The following COL27A1 variants were observed in gnomAD, a reference collection of about 807,000 sequenced individuals.
COL27A1 encodes collagen alpha-1(XXVII) chain.
A neutral mutation model predicts 251.3 loss-of-function variants in COL27A1; 106 were observed. That is an observed-to-expected ratio of 0.42 (90% CI 0.36 to 0.50). The LOEUF (loss-of-function observed/expected upper bound fraction) is 0.50. Among genes scored for constraint, COL27A1 ranks in the 20% least tolerant of loss-of-function variants. The pLI, the probability that COL27A1 is intolerant of heterozygous loss-of-function variation, is 0.00. For synonymous variants in COL27A1, 1,000 were observed against 986.3 expected, an observed-to-expected ratio of 1.01 and a Z score of -0.26; for missense variants, 2,325 against 2,522.8, an observed-to-expected ratio of 0.92 and a Z score of 1.68.
At chr9:114,310,000 C>T (rs1040266885) in intron 60 of COL27A1, among the ~76,000 whole-genome samples, 1 of 152,134 alleles carries the variant, frequency 6.6e-6, no homozygotes. Flanking sequence ...TTGGTAGAGG[C>T]TTTCTGGATA....
rs149607928 is a variant in COL27A1, at chr9:114,209,975, G to A, written c.2322+247G>A. On this transcript the variant is annotated intron_variant, in intron 11 of 60. Transcript: ENST00000356083. ...ACACTCAACACTGCCAAAGTGCTGC[G>A]TGAGAGGGTGAGAGTGGTGGGAGTT... Among the ~76,000 whole-genome samples, 33 of 152,364 alleles carry A rather than the reference G, an allele frequency of 2.2e-4. No individual in the cohort carries two copies. The East Asian group carries it at 4.2e-3, about 20-fold the overall frequency.
chr9:114,228,218 A>G (rs1831647114), intron 14 of COL27A1, among the ~76,000 whole-genome samples: 1 of 152,162 alleles, frequency 6.6e-6, no homozygotes, highest in African/African-American at 2.4e-5. Context: ...TCCTGCCTGC[A>G]CTGAATTCAG....
Position 114,250,465 on chromosome 9 carries a change from G to T in COL27A1, c.2980-150G>T, listed in dbSNP as rs540880763. On this transcript the variant is annotated intron_variant, in intron 24 of 60. Coordinates refer to ENST00000356083, the MANE Select transcript of COL27A1 (RefSeq NM_032888.4). The stretch of plus-strand genomic sequence containing the variant: ...GAAGTCAGAACGGTGCCCAGAGAGA[G>T]GCAGCGCTCTCCCCGGCACAACCCC... The T allele has an allele frequency of 4.4e-6, 3 of 682,952 alleles. No homozygotes were observed. In the Admixed American group the frequency reaches 6.8e-5, roughly 16 times the overall value. The allele number at this position is 682,952 out of a possible 1,614,324, so 42.3% of individuals were successfully genotyped here.
intron 12 of COL27A1, among the ~76,000 whole-genome samples, chr9:114,215,659 G>A (rs1830667967): frequency 6.6e-6 from 1 of 152,168 alleles, no homozygotes; most frequent in Non-Finnish European, 1.5e-5. Context: ...GCAGCAGGAA[G>A]GATGCAGGTT....
chr9:114,294,534 A>C (rs1828141210), intron 49 of COL27A1, among the ~76,000 whole-genome samples: 1 of 152,258 alleles, frequency 6.6e-6, no homozygotes, highest in South Asian at 2.1e-4. Context: ...AGGATGGTAT[A>C]ACATTTGAAA....
At chr9:114,165,019 C>G (rs1848729873) in intron 2 of COL27A1, among the ~76,000 whole-genome samples, 1 of 152,158 alleles carries the variant, frequency 6.6e-6, no homozygotes, top group African/African-American at 2.4e-5. Context: ...GGAATTGAGG[C>G]CCAAGGGTCA....
intron 14 of COL27A1, among the ~76,000 whole-genome samples, chr9:114,228,604 A>G (rs28595638): frequency 0.08 from 12,132 of 152,260 alleles, 1,422 homozygotes; most frequent in African/African-American, 0.26. Flanking sequence ...ATATCGCTGG[A>G]GCCCTAACCT....
intron 27 of COL27A1, among the ~76,000 whole-genome samples, chr9:114,253,295 A>G (rs929201916): frequency 7.1e-6 from 1 of 140,250 alleles, no homozygotes; most frequent in Admixed American, 7.1e-5. Context: ...GAGACAGAGA[A>G]AAAGAAAGAA....
chr9:114,183,347 A>G (rs957998774), intron 5 of COL27A1, among the ~76,000 whole-genome samples: 4 of 152,188 alleles, frequency 2.6e-5, no homozygotes, highest in African/African-American at 9.7e-5. Flanking sequence ...TTCTTGCTAA[A>G]TAGGGAAGGC....
intron 37 of COL27A1, among the ~76,000 whole-genome samples, chr9:114,281,022 T>C (rs1407467041): frequency 6.6e-6 from 1 of 152,180 alleles, no homozygotes; most frequent in Admixed American, 6.5e-5. Flanking sequence ...CCTCTTCCTG[T>C]CCCTCTTCTA....
Position 114,302,026 on chromosome 9 carries a change from T to C in COL27A1, c.4846-56T>C, listed in dbSNP as rs1546049. 0.46 allele frequency: 710,819 copies of C among 1,539,950 alleles called. 168,825 individuals carry two copies. The highest frequency in any genetic ancestry group is 0.69 in the East Asian group (30,465 of 44,286). ...GTCTCCCTGGTCTCCTGACACCCTC[T>C]CAGATTCCAGCACACTGTCCCTGTC... On this transcript the variant is annotated intron_variant, in intron 55 of 60. Coordinates refer to ENST00000356083, the MANE Select transcript of COL27A1 (RefSeq NM_032888.4).
intron 34 of COL27A1, among the ~76,000 whole-genome samples, 165 bp downstream of exon 34, chr9:114,267,722 G>A (rs1227029893): frequency 2.6e-5 from 4 of 152,170 alleles, no homozygotes; most frequent in African/African-American, 9.7e-5. Context: ...AGAGTGGAAT[G>A]TGGAGCCCCC....
Position 114,167,740 on chromosome 9 carries a change from C to T in COL27A1, c.185C>T (p.Pro62Leu). 1 of 1,613,814 alleles carries T rather than the reference C, an allele frequency of 6.2e-7. No individual in the cohort carries two copies. Among genetic ancestry groups the T allele is most frequent in the Non-Finnish European group, 8.5e-7 (1 of 1,179,956 alleles). ...CTCAGCTGGACGAAGGCCGGGAGCC[C>T]TGCACCCCCGGGAGTCATTCCTTTC... Reference protein sequence around the residue: ...LGLSWTKAGSPAPPGVIPFQS... With the variant: ...LGLSWTKAGSLAPPGVIPFQS... The change falls in exon 3 of 61, where the codon CCT becomes CTT. Residue 62 changes from proline (P) to leucine (L), a missense_variant. Around this residue, in one of 4 missense-constraint regions of COL27A1, gnomAD observed 1,183 missense variants for 1,144.1 expected, o/e 1.03. Coordinates refer to ENST00000356083, the MANE Select transcript of COL27A1 (RefSeq NM_032888.4).
chr9:114,248,122 G>A (rs910416532), intron 24 of COL27A1, among the ~76,000 whole-genome samples: 1 of 152,162 alleles, frequency 6.6e-6, no homozygotes, highest in African/African-American at 2.4e-5. Flanking sequence ...AGGCAAGATT[G>A]ACCCTGAGGT....
At chr9:114,240,193 G>A in intron 19 of COL27A1, 27 bp from the exon 20 acceptor site, 1 of 1,608,700 alleles carries the variant, frequency 6.2e-7, no homozygotes, top group African/African-American at 1.3e-5. Flanking sequence ...GCCCCCGTGG[G>A]TGACCCTGCT....
chr9:114,205,943 G>A (rs1277311410), intron 9 of COL27A1, 131 bp downstream of exon 9: 1 of 788,240 alleles, frequency 1.3e-6, no homozygotes, highest in Non-Finnish European at 2.0e-6. Context: ...CTAAGGAGGG[G>A]GCTTTCCAGG....
chr9:114,257,885 G>C (rs1192920423), intron 27 of COL27A1, among the ~76,000 whole-genome samples: 1 of 152,194 alleles, frequency 6.6e-6, no homozygotes, highest in Non-Finnish European at 1.5e-5. Flanking sequence ...ATGAGGATTT[G>C]AGGAGACCTT....
chr9:114,181,709 G>C (rs979722357), intron 4 of COL27A1, among the ~76,000 whole-genome samples: 1 of 152,218 alleles, frequency 6.6e-6, no homozygotes, highest in African/African-American at 2.4e-5. Flanking sequence ...CCTTGCTGGA[G>C]AAAGTGGACA....
chr9:114,245,157 T>TG (rs1564517279), intron 23 of COL27A1, among the ~76,000 whole-genome samples: 40 of 73,838 alleles, frequency 5.4e-4, no homozygotes, highest in Middle Eastern at 7.6e-3. Flanking sequence ...TGTTTTTTTT[T>TG]TTTTTTTTTT....
Sources: allele counts gnomAD v4.1 joint callset (sites outside exome capture counted in the v4.1 genomes callset), GRCh38; gene constraint gnomAD v4.1.1; regional missense constraint gnomAD v4.1.1; transcripts MANE v1.5; gene names NCBI Gene and HGNC (gene_info 2026-07-23, HGNC 2026-07-21).